SMG6: variants seen among roughly 807,000 people sequenced by gnomAD.
SMG6 encodes telomerase-binding protein EST1A.
Under a neutral mutation model 142.2 loss-of-function variants are expected in SMG6, and 66 were observed. The observed-to-expected ratio is 0.46, with a 90% CI of 0.38 to 0.57. The LOEUF is 0.57. Among genes scored for constraint, SMG6 ranks in the 20% least tolerant of loss-of-function variants. The pLI is 0.00. For missense variants in SMG6, 1,793 were observed against 1,832.0 expected (o/e 0.98, Z 0.39); for synonymous variants, 779 against 702.4 (o/e 1.11, Z -1.72).
At position 2,245,381 on chromosome 17, in the gene SMG6, G is replaced by A. The variant is rs78945726; in HGVS notation, c.2662-662C>T. On this transcript the variant is annotated intron_variant, in intron 8 of 18. Transcript: ENST00000263073. Reference sequence around the variant, plus strand: ...AGGCCCAAGCTGGAAACTGCAATCTGGGTTTTTTTGTTTTTGTTTTTTGAG... The same window carrying A: ...AGGCCCAAGCTGGAAACTGCAATCTAGGTTTTTTTGTTTTTGTTTTTTGAG... Among the ~76,000 whole-genome samples the A allele has an allele frequency of 1.8e-4, 28 of 152,146 alleles. No individual in the cohort carries two copies. The East Asian group carries it at 5.4e-3, about 29-fold the overall frequency.
chr17:2,293,012 A>G lies in SMG6; in HGVS notation c.2152-35T>C, dbSNP rs748426889. The G allele has an allele frequency of 2.7e-6, 4 of 1,457,774 alleles. No individual in the cohort carries two copies. The East Asian group carries it at 9.0e-5, about 33-fold the overall frequency. The allele number at this position is 1,457,774 out of a possible 1,614,324, so 90.3% of individuals were successfully genotyped here. On this transcript the variant is annotated intron_variant, in intron 4 of 18. Coordinates refer to ENST00000263073, the MANE Select transcript of SMG6 (RefSeq NM_017575.5). Reference sequence around the variant, plus strand: ...AAACAACCAGTTAGTAGAAAAGCCAAGAAACACTAACTTCAACCCTCAAAG... The same window carrying G: ...AAACAACCAGTTAGTAGAAAAGCCAGGAAACACTAACTTCAACCCTCAAAG...
At chr17:2,302,879 T>C (rs1297988107) in intron 1 of SMG6, 1 of 765,482 alleles carries the variant, frequency 1.3e-6, no homozygotes, top group African/African-American at 1.9e-5. Flanking sequence ...GCCTTAATAA[T>C]CCAATTATGT....
At chr17:2,100,539 T>C (rs539931281) in intron 13 of SMG6, among the ~76,000 whole-genome samples, 13 of 152,184 alleles carry the variant, frequency 8.5e-5, no homozygotes, top group Non-Finnish European at 1.8e-4. Flanking sequence ...TTCAATGAAT[T>C]AGTATTTCTT....
intron 10 of SMG6, among the ~76,000 whole-genome samples, chr17:2,193,024 A>G (rs928412066): frequency 2.0e-5 from 3 of 152,248 alleles, no homozygotes; most frequent in African/African-American, 7.2e-5. Flanking sequence ...AAAGCAAGTC[A>G]TAACATTTCC....
At chr17:2,268,139 A>G (rs2074464682) in intron 8 of SMG6, among the ~76,000 whole-genome samples, 1 of 152,118 alleles carries the variant, frequency 6.6e-6, no homozygotes, top group South Asian at 2.1e-4. Flanking sequence ...TCCTGGGTTC[A>G]TGCAATTTCC....
intron 8 of SMG6, chr17:2,266,270 A>G: frequency 1.5e-6 from 1 of 673,198 alleles, no homozygotes. Context: ...GAATATACAC[A>G]CGCACGCGAA....
chr17:2,159,675 A>T (rs879621787), intron 13 of SMG6, among the ~76,000 whole-genome samples: 1 of 152,222 alleles, frequency 6.6e-6, no homozygotes, highest in Non-Finnish European at 1.5e-5. Context: ...CTGGATATTT[A>T]TCCAAGAGAA....
intron 1 of SMG6, among the ~76,000 whole-genome samples, chr17:2,301,735 G>A (rs535789750): frequency 6.8e-4 from 103 of 152,282 alleles, no homozygotes; most frequent in African/African-American, 2.3e-3. Context: ...CCAGCTACTC[G>A]GGAAGCTGAG....
At position 2,292,689 on chromosome 17, in the gene SMG6, T is replaced by C. The variant is rs2075064707; in HGVS notation, c.2259-59A>G. ...TCCAGATTAGCTTTTTCCCAATTCA[T>C]CCTGATAGCCCTAATACTTAAAACA... is the stretch of plus-strand genomic sequence containing the variant. On this transcript the variant is annotated intron_variant, in intron 5 of 18. Transcript: ENST00000263073. The C allele has an allele frequency of 1.9e-6, 3 of 1,583,390 alleles. No individual in the cohort carries two copies. The South Asian group carries it at 3.3e-5, about 18-fold the overall frequency.
intron 4 of SMG6, among the ~76,000 whole-genome samples, chr17:2,296,244 C>T (rs1476627236): frequency 1.3e-5 from 2 of 152,208 alleles, no homozygotes; most frequent in Non-Finnish European, 1.5e-5. Context: ...CTCCACACTA[C>T]AAACACCAGC....
intron 13 of SMG6, among the ~76,000 whole-genome samples, chr17:2,159,221 G>C (rs540441201): frequency 6.6e-6 from 1 of 152,290 alleles, no homozygotes; most frequent in East Asian, 1.9e-4. Flanking sequence ...AGAAGTTCGA[G>C]ACCAGTCTGG....
At chr17:2,297,411 C>A in intron 3 of SMG6, 58 bp from the exon 4 acceptor site, 1 of 1,319,050 alleles carries the variant, frequency 7.6e-7, no homozygotes, top group Non-Finnish European at 1.0e-6. Context: ...ACCTATCCAC[C>A]AAAAACCGGG....
chr17:2,147,501 C>G (rs1039679911), intron 13 of SMG6, among the ~76,000 whole-genome samples: 1 of 152,110 alleles, frequency 6.6e-6, no homozygotes. Flanking sequence ...ACTGGGAAGG[C>G]TGAGGCAGGA....
chr17:2,204,227 T>G (rs528335544), intron 10 of SMG6, among the ~76,000 whole-genome samples: 14 of 152,180 alleles, frequency 9.2e-5, no homozygotes, highest in Non-Finnish European at 1.8e-4. Context: ...AAAAAGGACC[T>G]CTTGGAGGCC....
At chr17:2,235,282 AC>A (rs1597670902) in intron 10 of SMG6, among the ~76,000 whole-genome samples, 1 of 152,130 alleles carries the variant, frequency 6.6e-6, no homozygotes, top group African/African-American at 2.4e-5. Flanking sequence ...GGAATTCTAA[AC>A]GCTGTAGCAG....
chr17:2,114,294 A>G (rs944019198), intron 13 of SMG6, among the ~76,000 whole-genome samples: 19 of 152,180 alleles, frequency 1.2e-4, no homozygotes, highest in Non-Finnish European at 2.1e-4. Context: ...AATACTCCCC[A>G]AAATGAAAAC....
At chr17:2,178,275 CAT>C (rs1269449588) in intron 12 of SMG6, among the ~76,000 whole-genome samples, 6 of 152,254 alleles carry the variant, frequency 3.9e-5, no homozygotes, top group Non-Finnish European at 8.8e-5. Context: ...CCAGATGCCA[CAT>C]GATACAAAGA....
At chr17:2,156,805 C>T (rs907796394) in intron 13 of SMG6, among the ~76,000 whole-genome samples, 1 of 152,186 alleles carries the variant, frequency 6.6e-6, no homozygotes, top group African/African-American at 2.4e-5. Flanking sequence ...AAGCATGCAA[C>T]GCCATGCCTG....
chr17:2,271,441 T>C (rs1203692106), intron 8 of SMG6, among the ~76,000 whole-genome samples: 5 of 149,850 alleles, frequency 3.3e-5, no homozygotes, highest in Admixed American at 1.3e-4. Context: ...CAGCCAGGCA[T>C]GGTGGCTCAT....
Sources: allele counts gnomAD v4.1 joint callset (sites outside exome capture counted in the v4.1 genomes callset), GRCh38; gene constraint gnomAD v4.1.1; transcripts MANE v1.5; gene names NCBI Gene and HGNC (gene_info 2026-07-23, HGNC 2026-07-21).